Variants in TFF2 observed in about 807,000 individuals in gnomAD.
TFF2 encodes the protein spasmolysin.
A neutral mutation model predicts 16.0 loss-of-function variants in TFF2; 19 were observed. The ratio of observed to expected loss-of-function variants is 1.19; its 90% CI spans 0.83 to 1.74. The LOEUF (loss-of-function observed/expected upper bound fraction) is 1.74. Ranked by LOEUF, TFF2 falls within the 40% of genes most tolerant of loss-of-function variation. The probability of loss-of-function intolerance (pLI) is 0.00; values close to 1 mark genes in which losing one functional copy is unlikely to be tolerated. For synonymous variants in TFF2, 61 were observed against 65.4 expected (o/e 0.93, Z 0.32); for missense variants, 168 against 166.8 (o/e 1.01, Z -0.04).
At chr21:42,349,036 C>A (rs550572127) in intron 2 of TFF2, among the ~76,000 whole-genome samples, 1 of 151,318 alleles carries the variant, frequency 6.6e-6, no homozygotes, top group African/African-American at 2.4e-5. Flanking sequence ...TGGGCTAGCC[C>A]CAGACTAACC....
chr21:42,347,576 T>C lies in TFF2; in HGVS notation c.286A>G (p.Ile96Val). The C allele has an allele frequency of 6.2e-7, 1 of 1,614,196 alleles. No homozygotes were observed. The highest frequency in any genetic ancestry group is 8.5e-7 in the Non-Finnish European group (1 of 1,180,014). Residue 96 changes from isoleucine (I) to valine (V), a missense_variant, in exon 3 of 4, where the codon ATC becomes GTC. By Grantham distance (29) the Ile-to-Val change is conservative. Coordinates refer to ENST00000291526, the MANE Select transcript of TFF2 (RefSeq NM_005423.5). ...SDRRNCGYPG[I>V]SPEECASRKC... ...CGAGAGGCGCATTCCTCGGGGCTGA[T>C]GCCCGGGTAGCCACAGTTTCTTCGG...
chr21:42,348,448 T>TA lies in TFF2; in HGVS notation c.230-817_230-816insT, dbSNP rs1454360790. 1.8e-3 allele frequency among the ~76,000 whole-genome samples: 269 copies of TA among 151,702 alleles called. 1 individual carries two copies. The highest frequency in any genetic ancestry group is 6.3e-3 in the African/African-American group (259 of 40,998). On this transcript the variant is annotated intron_variant, in intron 2 of 3. Coordinates refer to ENST00000291526, the MANE Select transcript of TFF2 (RefSeq NM_005423.5). Reference sequence around the variant, plus strand: ...AGGAGACCTACTATATATATATATATTTTTTTCTCAACTAAAGTAAAACTG... The same window carrying TA: ...AGGAGACCTACTATATATATATATATATTTTTTCTCAACTAAAGTAAAACTG...
At chr21:42,349,844 C>T in intron 2 of TFF2, 37 bp downstream of exon 2, 1 of 1,550,908 alleles carries the variant, frequency 6.4e-7, no homozygotes, top group Non-Finnish European at 8.7e-7. Flanking sequence ...TCCTGGGTTG[C>T]CAGCTGCTGG....
chr21:42,350,582 C>A (rs2052109081), intron 1 of TFF2, among the ~76,000 whole-genome samples: 1 of 152,108 alleles, frequency 6.6e-6, no homozygotes, highest in Admixed American at 6.5e-5. Flanking sequence ...ACAGATGGAC[C>A]CAAGGCCAAG....
chr21:42,349,592 G>T (rs143787576), intron 2 of TFF2, among the ~76,000 whole-genome samples: 3 of 147,274 alleles, frequency 2.0e-5, no homozygotes, highest in African/African-American at 7.6e-5. Context: ...AACCAACCTG[G>T]GCTAGCCTTA....
At chr21:42,350,121 T>C (rs2052104783) in intron 1 of TFF2, 91 bp from the exon 2 acceptor site, 2 of 1,453,486 alleles carry the variant, frequency 1.4e-6, no homozygotes, top group Admixed American at 2.4e-5. Flanking sequence ...TCTACTGTCT[T>C]GTTGCCACAT....
In TFF2 at chr21:42,346,461, G is replaced by A; in HGVS notation, c.*72C>T. On this transcript the variant is annotated 3_prime_UTR_variant, in exon 4 of 4. Coordinates refer to ENST00000291526, the MANE Select transcript of TFF2 (RefSeq NM_005423.5). ...CCAGGATTTCATGAAGTATGAAGCT[G>A]ATAAGGCGAAGTTTCTTCTTTGGTT... is the stretch of plus-strand genomic sequence containing the variant. The A allele has an allele frequency of 6.4e-7, 1 of 1,574,202 alleles. No individual in the cohort carries two copies. Among genetic ancestry groups the A allele is most frequent in the Non-Finnish European group, 8.7e-7 (1 of 1,149,810 alleles).
In TFF2 at chr21:42,346,395, T is replaced by C. The variant is rs1360420949; in HGVS notation, c.*138A>G. 1.7e-6 allele frequency: 2 copies of C among 1,149,278 alleles called. No homozygotes were observed. Among genetic ancestry groups the C allele is most frequent in the Non-Finnish European group, 1.3e-6 (1 of 779,752 alleles). 71.2% of individuals were successfully genotyped at this position (1,149,278 alleles called of 1,614,324 possible). A position where few individuals can be genotyped will look rare whatever the true frequency, so the allele number is the denominator to read the frequency against. On this transcript the variant is annotated 3_prime_UTR_variant, in exon 4 of 4. Transcript: ENST00000291526. ...AAGGGTTTTATTTAAAGAAATTATA[T>C]GTTAAACCATTGAAAATGAGGAAAA... is the stretch of plus-strand genomic sequence containing the variant.
chr21:42,350,089 C>T, intron 1 of TFF2, 59 bp from the exon 2 acceptor site: 7 of 1,538,880 alleles, frequency 4.5e-6, no homozygotes, highest in Non-Finnish European at 6.1e-6. Context: ...TGCTCCTTCT[C>T]TCAGAGGTTC....
intron 2 of TFF2, among the ~76,000 whole-genome samples, chr21:42,348,200 C>G (rs1428698561): frequency 6.7e-6 from 1 of 150,246 alleles, no homozygotes; most frequent in Admixed American, 6.7e-5. Context: ...TCCACGCACA[C>G]AGGTGCACGA....
chr21:42,349,833 G>A, intron 2 of TFF2, 48 bp downstream of exon 2: 1 of 1,530,646 alleles, frequency 6.5e-7, no homozygotes, highest in South Asian at 1.2e-5. Context: ...GTGAAGCTGG[G>A]TCCTGGGTTG....
intron 3 of TFF2, among the ~76,000 whole-genome samples, chr21:42,346,993 C>A (rs2052073715): frequency 6.6e-6 from 1 of 152,200 alleles, no homozygotes; most frequent in South Asian, 2.1e-4. Context: ...TGGACCCGTT[C>A]ACCTCTGCCG....
intron 2 of TFF2, among the ~76,000 whole-genome samples, chr21:42,348,863 ATGGGCTAGCCCCAGACTAACCAACC>A (rs1315728457): frequency 2.7e-5 from 4 of 149,882 alleles, no homozygotes; most frequent in African/African-American, 4.9e-5. Context: ...ACTAACCAAC[ATGGGCTAGCCCCAGACTAACCAACC>A]TGGGCTAGCC....
At chr21:42,347,364 G>A (rs2052076536) in intron 3 of TFF2, 122 bp downstream of exon 3, 1 of 1,322,690 alleles carries the variant, frequency 7.6e-7, no homozygotes. Flanking sequence ...TAGGAGGCAG[G>A]GGCCCTGGCC....
rs142842268 is a variant in TFF2, at chr21:42,346,800, G to A, written c.377-254C>T. On this transcript the variant is annotated intron_variant, in intron 3 of 3. Transcript: ENST00000291526. ...TTAGGTCACATAAAAAAAATCACTCGGAAAATCCTGAACATGAAATATTTC... is the reference window on the plus strand; with the variant it reads ...TTAGGTCACATAAAAAAAATCACTCAGAAAATCCTGAACATGAAATATTTC... Among the ~76,000 whole-genome samples, 112 of 152,292 alleles carry A rather than the reference G, an allele frequency of 7.4e-4. 2 individuals carry two copies. In the East Asian group the frequency reaches 0.02, roughly 27 times the overall value.
Position 42,346,450 on chromosome 21 carries a change from A to G in TFF2, c.*83T>C, listed in dbSNP as rs2052068360. 2 of 1,521,098 alleles carry G rather than the reference A, an allele frequency of 1.3e-6. No homozygotes were observed. Among genetic ancestry groups the G allele is most frequent in the Non-Finnish European group, 9.1e-7 (1 of 1,102,960 alleles). The allele number at this position is 1,521,098 out of a possible 1,614,324, so 94.2% of individuals were successfully genotyped here. A position where few individuals can be genotyped will look rare whatever the true frequency, so the allele number is the denominator to read the frequency against. Reference sequence around the variant, plus strand: ...GTTAAGAAAACCCAGGATTTCATGAAGTATGAAGCTGATAAGGCGAAGTTT... The same window carrying G: ...GTTAAGAAAACCCAGGATTTCATGAGGTATGAAGCTGATAAGGCGAAGTTT... On this transcript the variant is annotated 3_prime_UTR_variant, in exon 4 of 4. Coordinates refer to ENST00000291526, the MANE Select transcript of TFF2 (RefSeq NM_005423.5).
At position 42,350,976 on chromosome 21, in the gene TFF2, C is replaced by G. The variant is rs752467747; in HGVS notation, c.-19G>C. On this transcript the variant is annotated 5_prime_UTR_variant, in exon 1 of 4. Coordinates refer to ENST00000291526, the MANE Select transcript of TFF2 (RefSeq NM_005423.5). ...GTCCCATGTCTAGCTCAGCTGCACC[C>G]CAGGGTGGCTTGCAGAATGCATGGT... is the stretch of plus-strand genomic sequence containing the variant. 6.2e-7 allele frequency: 1 copy of G among 1,610,580 alleles called. No homozygotes were observed. Among genetic ancestry groups the G allele is most frequent in the Non-Finnish European group, 8.5e-7 (1 of 1,178,730 alleles).
rs2052069249 is a variant in TFF2 at position 42,346,510 on chromosome 21, G to A, written c.*23C>T. On this transcript the variant is annotated 3_prime_UTR_variant, in exon 4 of 4. Transcript: ENST00000291526. ...TTTCGGAACACCCGGTGAGCCAGAT[G>A]CATCCTCTGGAACCAGCCTCTCTTA... 6.2e-7 allele frequency: 1 copy of A among 1,612,678 alleles called. No homozygotes were observed. The highest frequency in any genetic ancestry group is 1.7e-5 in the Admixed American group (1 of 59,716).
At chr21:42,350,815 T>C (rs999906436) in intron 1 of TFF2, 64 bp downstream of exon 1, 36 of 1,453,844 alleles carry the variant, frequency 2.5e-5, no homozygotes, top group Non-Finnish European at 3.2e-5. Flanking sequence ...TTTATGGTTG[T>C]GCTTTTTTTT....
Sources: allele counts gnomAD v4.1 joint callset (sites outside exome capture counted in the v4.1 genomes callset), GRCh38; gene constraint gnomAD v4.1.1; transcripts MANE v1.5; gene names NCBI Gene and HGNC (gene_info 2026-07-23, HGNC 2026-07-21).